PTN: variants seen among roughly 807,000 people sequenced by gnomAD.
The protein encoded by PTN is heparin affin regulatory protein.
A neutral mutation model predicts 24.1 loss-of-function variants in PTN; 18 were observed. The ratio of observed to expected loss-of-function variants is 0.75; its 90% CI spans 0.52 to 1.11. PTN has a LOEUF of 1.11. PTN is among the 50% of genes least tolerant of loss of function. PTN has a pLI of 0.00. For synonymous variants in PTN, 78 were observed against 68.6 expected (o/e 1.14, Z -0.67); for missense variants, 163 against 198.8 (o/e 0.82, Z 1.08).
chr7:137,341,677 T>C (rs957313529), intron 1 of PTN, among the ~76,000 whole-genome samples: 1 of 152,140 alleles, frequency 6.6e-6, no homozygotes, highest in African/African-American at 2.4e-5. Flanking sequence ...AATGCTGTTA[T>C]ATGTGGCTTC....
chr7:137,265,694 C>T (rs888275799), intron 1 of PTN, among the ~76,000 whole-genome samples: 2 of 152,178 alleles, frequency 1.3e-5, no homozygotes, highest in African/African-American at 2.4e-5. Context: ...GACTGGAGGA[C>T]CATCTTAGTG....
intron 1 of PTN, among the ~76,000 whole-genome samples, chr7:137,270,007 A>C (rs919990155): frequency 2.6e-5 from 4 of 152,070 alleles, no homozygotes; most frequent in Non-Finnish European, 5.9e-5. Flanking sequence ...CCAAATTAAC[A>C]CATTATTTCA....
At chr7:137,322,453 T>C (rs1451287463) in intron 1 of PTN, among the ~76,000 whole-genome samples, 1 of 152,192 alleles carries the variant, frequency 6.6e-6, no homozygotes, top group Non-Finnish European at 1.5e-5. Context: ...GTTCTTGCTA[T>C]GCATAGTAGT....
At chr7:137,333,328 C>G (rs755371686) in intron 1 of PTN, among the ~76,000 whole-genome samples, 1 of 152,210 alleles carries the variant, frequency 6.6e-6, no homozygotes, top group Non-Finnish European at 1.5e-5. Flanking sequence ...ACACAGAACC[C>G]AGCCTCAGGT....
chr7:137,228,002 T>C lies in PTN; in HGVS notation c.*18A>G. The C allele has an allele frequency of 6.2e-7, 1 of 1,605,978 alleles. No individual in the cohort carries two copies. The highest frequency in any genetic ancestry group is 1.3e-5 in the African/African-American group (1 of 74,464). On this transcript the variant is annotated 3_prime_UTR_variant, in exon 5 of 5. Coordinates refer to ENST00000348225, the MANE Select transcript of PTN (RefSeq NM_002825.7). ...CCTGTTTGCTGATGTCCTTTTTATGTTCCACAGGTGACATCTTTTAATCCA... is the reference window on the plus strand; with the variant it reads ...CCTGTTTGCTGATGTCCTTTTTATGCTCCACAGGTGACATCTTTTAATCCA...
At chr7:137,328,233 C>T (rs1810294051) in intron 1 of PTN, among the ~76,000 whole-genome samples, 1 of 152,144 alleles carries the variant, frequency 6.6e-6, no homozygotes, top group South Asian at 2.1e-4. Context: ...TCCTGGGGTT[C>T]CTTCATGCTT....
intron 1 of PTN, among the ~76,000 whole-genome samples, chr7:137,293,988 C>CA (rs1451080211): frequency 6.6e-6 from 1 of 151,934 alleles, no homozygotes; most frequent in Non-Finnish European, 1.5e-5. Context: ...ATCATGCAAG[C>CA]AAAAAATGTT....
intron 1 of PTN, chr7:137,325,289 T>C (rs905127773): frequency 6.6e-6 from 1 of 152,332 alleles, no homozygotes; most frequent in Middle Eastern, 3.4e-3. Flanking sequence ...AATATTTACT[T>C]CCTGAGCATT....
intron 1 of PTN, among the ~76,000 whole-genome samples, chr7:137,283,220 G>T (rs1418613510): frequency 6.6e-6 from 1 of 152,190 alleles, no homozygotes; most frequent in Non-Finnish European, 1.5e-5. Flanking sequence ...ATTAATGCCT[G>T]GTTCCATACG....
intron 4 of PTN, among the ~76,000 whole-genome samples, chr7:137,242,602 C>T (rs944045030): frequency 3.3e-5 from 5 of 152,192 alleles, no homozygotes; most frequent in African/African-American, 1.2e-4. Flanking sequence ...AAAGTAACAA[C>T]TAATAATTGC....
At chr7:137,228,981 T>G (rs1375285024) in intron 4 of PTN, among the ~76,000 whole-genome samples, 2 of 151,818 alleles carry the variant, frequency 1.3e-5, no homozygotes, top group East Asian at 3.9e-4. Flanking sequence ...ACTGCTGAAG[T>G]TTAAATCCTG....
At chr7:137,319,295 A>G (rs564975002) in intron 1 of PTN, among the ~76,000 whole-genome samples, 4 of 152,316 alleles carry the variant, frequency 2.6e-5, no homozygotes, top group South Asian at 4.1e-4. Context: ...AGTCATAAAG[A>G]TAGAGCATTT....
chr7:137,314,310 C>A (rs1810032811), intron 1 of PTN, among the ~76,000 whole-genome samples: 2 of 152,100 alleles, frequency 1.3e-5, no homozygotes, highest in Non-Finnish European at 2.9e-5. Flanking sequence ...CTCTTTTCTG[C>A]ATGTATTAAC....
chr7:137,234,331 G>A (rs1808482467), intron 4 of PTN, among the ~76,000 whole-genome samples: 1 of 151,858 alleles, frequency 6.6e-6, no homozygotes, highest in East Asian at 1.9e-4. Context: ...TTTTGCCTTA[G>A]TATAGATTAT....
intron 1 of PTN, among the ~76,000 whole-genome samples, chr7:137,256,176 G>GT (rs1260247918): frequency 2.0e-5 from 3 of 151,878 alleles, no homozygotes; most frequent in African/African-American, 7.3e-5. Flanking sequence ...TCTTATTAGT[G>GT]TTTTTTTAAA....
chr7:137,290,626 AATTATT>A (rs936800498), intron 1 of PTN, among the ~76,000 whole-genome samples: 1 of 152,106 alleles, frequency 6.6e-6, no homozygotes, highest in Admixed American at 6.6e-5. Flanking sequence ...TGAGTAGACA[AATTATT>A]ATTATTATCT....
intron 1 of PTN, chr7:137,318,918 C>G (rs150045311): frequency 6.6e-6 from 1 of 152,180 alleles, no homozygotes; most frequent in Non-Finnish European, 1.5e-5. Context: ...TCCCCACTAC[C>G]GTCACCAACA....
At chr7:137,293,656 C>A (rs2128877555) in intron 1 of PTN, among the ~76,000 whole-genome samples, 1 of 152,152 alleles carries the variant, frequency 6.6e-6, no homozygotes, top group Non-Finnish European at 1.5e-5. Flanking sequence ...AGGTTCACTG[C>A]AAAACAGAGT....
chr7:137,326,064 GGAA>G (rs1224866581), intron 1 of PTN: 1 of 152,198 alleles, frequency 6.6e-6, no homozygotes, highest in African/African-American at 2.4e-5. Context: ...TGAATGCTCA[GGAA>G]GAAGAAGGTA....
Sources: gnomAD v4.1 joint callset for allele counts (sites outside exome capture counted in the v4.1 genomes callset) on GRCh38, gnomAD v4.1.1 for gene constraint, MANE v1.5 for transcripts, NCBI Gene and HGNC (gene_info 2026-07-23, HGNC 2026-07-21) for gene names.